Variants in CSMD1 observed in about 807,000 individuals in gnomAD.
The protein encoded by CSMD1 is CUB and sushi domain-containing protein 1.
Under a neutral mutation model 417.5 loss-of-function variants are expected in CSMD1, and 213 were observed. The observed-to-expected ratio is 0.51, with a 90% CI of 0.46 to 0.57. The LOEUF (loss-of-function observed/expected upper bound fraction) is 0.57. CSMD1 is among the 20% of genes least tolerant of loss of function. The pLI, the probability that CSMD1 is intolerant of heterozygous loss-of-function variation, is 0.00. For missense variants in CSMD1, 6,923 were observed against 4,529.7 expected (o/e 1.53, Z -15.17); for synonymous variants, 2,862 against 1,736.8 (o/e 1.65, Z -16.11).
intron 41 of CSMD1, among the ~76,000 whole-genome samples, chr8:3,135,284 A>C (rs1295035138): frequency 2.0e-5 from 3 of 152,236 alleles, no homozygotes. Flanking sequence ...AAACACTAAT[A>C]AAAATCTCTT....
At chr8:3,066,697 G>A (rs1308996245) in intron 49 of CSMD1, among the ~76,000 whole-genome samples, 1 of 152,152 alleles carries the variant, frequency 6.6e-6, no homozygotes, top group Non-Finnish European at 1.5e-5. Flanking sequence ...ATTCCAAACA[G>A]ACTGAAGGCT....
intron 3 of CSMD1, among the ~76,000 whole-genome samples, chr8:4,145,978 A>C (rs1280919305): frequency 6.6e-6 from 1 of 150,992 alleles, no homozygotes; most frequent in Non-Finnish European, 1.5e-5. Flanking sequence ...ATTTGTAGAC[A>C]GGGTGCAAAT....
intron 7 of CSMD1, among the ~76,000 whole-genome samples, chr8:3,638,832 T>C (rs970761775): frequency 6.6e-6 from 1 of 151,988 alleles, no homozygotes; most frequent in African/African-American, 2.4e-5. Flanking sequence ...TCACACCTTG[T>C]CTCCAGGAAG....
chr8:4,249,234 G>C (rs1016738043), intron 3 of CSMD1, among the ~76,000 whole-genome samples: 1 of 152,182 alleles, frequency 6.6e-6, no homozygotes, highest in African/African-American at 2.4e-5. Flanking sequence ...AACATACATA[G>C]AAAAGGGCAA....
intron 1 of CSMD1, among the ~76,000 whole-genome samples, chr8:4,742,914 A>G (rs147638558): frequency 1.6e-3 from 246 of 152,304 alleles, no homozygotes; most frequent in African/African-American, 5.8e-3. Context: ...AAAAAATCTG[A>G]AAATAAATTG....
In CSMD1 at chr8:4,581,916, T is replaced by G. The variant is rs1436771409; in HGVS notation, c.302+55426A>C. Among the ~76,000 whole-genome samples the G allele has an allele frequency of 2.0e-5, 3 of 152,228 alleles. No homozygotes were observed. In the East Asian group the frequency reaches 5.8e-4, roughly 29 times the overall value. On this transcript the variant is annotated intron_variant, in intron 2 of 69. Transcript: ENST00000635120. Reference sequence around the variant, plus strand: ...CCCCTACATCCACCATCAACTTGAGTCTCACAGTACAGTCAGGTCAAAGAA... The same window carrying G: ...CCCCTACATCCACCATCAACTTGAGGCTCACAGTACAGTCAGGTCAAAGAA...
intron 3 of CSMD1, among the ~76,000 whole-genome samples, chr8:4,072,529 A>G (rs1418481594): frequency 6.6e-6 from 1 of 152,210 alleles, no homozygotes; most frequent in Non-Finnish European, 1.5e-5. Context: ...CTAAACAGGA[A>G]TCACATAGTT....
At chr8:3,627,887 C>G (rs1045117460) in intron 7 of CSMD1, among the ~76,000 whole-genome samples, 4 of 152,054 alleles carry the variant, frequency 2.6e-5, no homozygotes, top group Admixed American at 6.6e-5. Context: ...TCACTTTTGA[C>G]CTTTAGGAGA....
At chr8:4,937,155 G>C (rs1407384169) in intron 1 of CSMD1, among the ~76,000 whole-genome samples, 1 of 152,190 alleles carries the variant, frequency 6.6e-6, no homozygotes, top group East Asian at 1.9e-4. Context: ...CAAGGCTGCA[G>C]TGAGCTCTGA....
Position 4,179,814 on chromosome 8 carries a change from G to A in CSMD1, c.416-147715C>T, listed in dbSNP as rs1484031609. 2.0e-5 allele frequency among the ~76,000 whole-genome samples: 3 copies of A among 152,202 alleles called. No homozygotes were observed. In the East Asian group the frequency reaches 5.8e-4, roughly 29 times the overall value. On this transcript the variant is annotated intron_variant, in intron 3 of 69. Coordinates refer to ENST00000635120, the MANE Select transcript of CSMD1 (RefSeq NM_033225.6). The stretch of plus-strand genomic sequence containing the variant: ...AAAGAAGACATTTATGCAGCCAAAA[G>A]ACACATGAAAAAATGCTCATCATCA...
intron 3 of CSMD1, among the ~76,000 whole-genome samples, chr8:4,108,659 T>A (rs1471236026): frequency 6.6e-6 from 1 of 152,210 alleles, no homozygotes; most frequent in Non-Finnish European, 1.5e-5. Context: ...CCTGACACTT[T>A]CGACAAATTA....
At chr8:3,916,567 G>A (rs1287607563) in intron 5 of CSMD1, among the ~76,000 whole-genome samples, 1 of 152,134 alleles carries the variant, frequency 6.6e-6, no homozygotes, top group Non-Finnish European at 1.5e-5. Flanking sequence ...TATGAAGTAT[G>A]ATTGTATGAA....
chr8:3,471,436 A>C (rs906648168), intron 11 of CSMD1, among the ~76,000 whole-genome samples: 1 of 152,144 alleles, frequency 6.6e-6, no homozygotes, highest in Non-Finnish European at 1.5e-5. Context: ...TTCCATAAGT[A>C]TTAGTTGCAG....
At chr8:3,153,795 C>G (rs369788757) in intron 39 of CSMD1, among the ~76,000 whole-genome samples, 248 of 152,240 alleles carry the variant, frequency 1.6e-3, no homozygotes, top group African/African-American at 5.8e-3. Flanking sequence ...TGATCATGGG[C>G]CTGACCACTG....
At chr8:3,408,490 G>C (rs1018087492) in intron 13 of CSMD1, among the ~76,000 whole-genome samples, 3 of 150,462 alleles carry the variant, frequency 2.0e-5, no homozygotes, top group Non-Finnish European at 4.4e-5. Flanking sequence ...CTTTCCAGTT[G>C]ACTGAAAACG....
intron 3 of CSMD1, among the ~76,000 whole-genome samples, chr8:4,216,567 C>T (rs569157816): frequency 5.9e-5 from 9 of 152,286 alleles, no homozygotes; most frequent in African/African-American, 1.9e-4. Flanking sequence ...AGTCTGCTGC[C>T]ACTGCCAACG....
intron 7 of CSMD1, among the ~76,000 whole-genome samples, chr8:3,693,384 T>G (rs185087041): frequency 6.6e-6 from 1 of 152,304 alleles, no homozygotes; most frequent in East Asian, 1.9e-4. Context: ...ATGTGGAATA[T>G]AATGACTTTT....
At chr8:4,196,751 T>TTTATC (rs1799362417) in intron 3 of CSMD1, among the ~76,000 whole-genome samples, 1 of 152,122 alleles carries the variant, frequency 6.6e-6, no homozygotes, top group Non-Finnish European at 1.5e-5. Flanking sequence ...CTCAAGACCC[T>TTTATC]TTATCTTATC....
intron 7 of CSMD1, among the ~76,000 whole-genome samples, chr8:3,666,182 C>T (rs1257276389): frequency 6.6e-6 from 1 of 152,228 alleles, no homozygotes; most frequent in Non-Finnish European, 1.5e-5. Context: ...AGGCATGAGC[C>T]ACCACGCTTG....
Sources: gnomAD v4.1 joint callset for allele counts (sites outside exome capture counted in the v4.1 genomes callset) on GRCh38, gnomAD v4.1.1 for gene constraint, MANE v1.5 for transcripts, NCBI Gene and HGNC (gene_info 2026-07-23, HGNC 2026-07-21) for gene names.